The following ERCC6L variants were observed in gnomAD, a reference collection of about 807,000 sequenced individuals.
The protein encoded by ERCC6L is DNA excision repair protein ERCC-6-like.
In ERCC6L, 7 loss-of-function variants were observed where a neutral mutation model predicts 20.1. The observed-to-expected ratio is 0.35, with a 90% CI of 0.20 to 0.65. The LOEUF (loss-of-function observed/expected upper bound fraction) is 0.65, where lower values mean the gene tolerates loss of function less well. ERCC6L is among the 30% of genes least tolerant of loss of function. The pLI, the probability that ERCC6L is intolerant of heterozygous loss-of-function variation, is 0.69. For missense variants in ERCC6L, 592 were observed against 892.4 expected (o/e 0.66, Z 4.29); for synonymous variants, 278 against 331.3 (o/e 0.84, Z 1.75).
chrX:72,209,614 T>A (rs2042840836), intron 1 of ERCC6L, among the ~76,000 whole-genome samples: 1 of 111,309 alleles, frequency 9.0e-6, no homozygotes, highest in African/African-American at 3.3e-5. Context: ...CCACCTTCTT[T>A]CCATCTCTAC....
At chrX:72,223,930 G>C (rs2042940175) in intron 1 of ERCC6L, among the ~76,000 whole-genome samples, 1 of 110,987 alleles carries the variant, frequency 9.0e-6, no homozygotes, top group Admixed American at 9.6e-5. Context: ...TGTGGTCTTT[G>C]GGGACACTGG....
At chrX:72,228,294 T>C (rs1450225960) in intron 1 of ERCC6L, among the ~76,000 whole-genome samples, 3 of 112,174 alleles carry the variant, frequency 2.7e-5, no homozygotes, top group Admixed American at 1.9e-4. Flanking sequence ...TATGTTCAAG[T>C]GCTATTTCTT....
chrX:72,220,141 T>C (rs112289552), intron 1 of ERCC6L, among the ~76,000 whole-genome samples: 2,998 of 110,493 alleles, frequency 0.027, 97 homozygotes, highest in African/African-American at 0.095. Flanking sequence ...TTTTGTCCTT[T>C]AGTTTTTAGG....
In ERCC6L at chrX:72,220,569, A is replaced by C. The variant is rs777099978; in HGVS notation, c.69-11871T>G. On this transcript the variant is annotated intron_variant, in intron 1 of 1. Coordinates refer to ENST00000334463, the MANE Select transcript of ERCC6L (RefSeq NM_017669.4). ...CCCTGACCAGAGACATGCTAGCCCC[A>C]AGATAACCCCCCTCTGGCCAGGAGG... Among the ~76,000 whole-genome samples the C allele has an allele frequency of 1.1e-4, 12 of 111,211 alleles. No individual in the cohort carries two copies. In the East Asian group the frequency reaches 2.6e-3, roughly 24 times the overall value.
chrX:72,215,795 A>C (rs1417346480), intron 1 of ERCC6L, among the ~76,000 whole-genome samples: 1 of 110,983 alleles, frequency 9.0e-6, no homozygotes, highest in Non-Finnish European at 1.9e-5. Context: ...TGCTGTGCTT[A>C]AAACCACTGA....
chrX:72,220,507 C>T (rs1261413243), intron 1 of ERCC6L, among the ~76,000 whole-genome samples: 1 of 111,462 alleles, frequency 9.0e-6, no homozygotes, highest in Non-Finnish European at 1.9e-5. Flanking sequence ...CCATAAACCA[C>T]AATTAACATC....
rs1194077779 is a variant in ERCC6L, at chrX:72,207,935, A to C, written c.832T>G (p.Ser278Ala). The C allele has an allele frequency of 3.3e-6, 4 of 1,209,795 alleles. No homozygotes were observed. In the South Asian group the frequency reaches 5.3e-5, roughly 16 times the overall value. ...WSLFDFACQG[S>A]LLGTLKTFKM... ...AAAGTTTTTAATGTTCCCAGCAGGGACCCTTGACAAGCAAAATCAAATAGG... is the reference window on the plus strand; with the variant it reads ...AAAGTTTTTAATGTTCCCAGCAGGGCCCCTTGACAAGCAAAATCAAATAGG... Residue 278 changes from serine to alanine, a missense_variant, in exon 2 of 2, where the codon TCC becomes GCC. This residue lies in a region of ERCC6L where 196 missense variants were observed against 440.1 expected (regional missense o/e 0.45). Transcript: ENST00000334463.
chrX:72,208,033 C>T lies in ERCC6L; in HGVS notation c.734G>A (p.Arg245His), dbSNP rs151269287. ...GAGGCGATTACTTGCAGGAATAGCA[C>T]GAGCACATATTGCTGACTTAGTAGA... ...TSSTKSAICA[R>H]AIPASNRLLL... The change falls in exon 2 of 2, where the codon CGT becomes CAT. Residue 245 changes from arginine (R) to histidine (H), a missense_variant. Arg to His is a conservative substitution (Grantham distance 29, BLOSUM62 0). Transcript: ENST00000334463. The T allele has an allele frequency of 1.5e-4, 179 of 1,209,755 alleles. No homozygotes were observed. The highest frequency in any genetic ancestry group is 2.4e-4 in the East Asian group (8 of 33,782).
intron 1 of ERCC6L, among the ~76,000 whole-genome samples, chrX:72,220,811 G>T (rs768409410): frequency 2.4e-4 from 27 of 111,956 alleles, no homozygotes; most frequent in African/African-American, 8.4e-4. Flanking sequence ...ACCCCTCTCA[G>T]GTTTTATCTA....
rs1316695947 is a variant in ERCC6L at position 72,207,995 on chromosome X, T to A, written c.772A>T (p.Thr258Ser). ...PASNRLLLTG[T>S]PIQNNLQELW... Reference sequence around the variant, plus strand: ...TCTTGTAAATTATTCTGGATTGGGGTTCCTGTGAGGAGGAGGCGATTACTT... The same window carrying A: ...TCTTGTAAATTATTCTGGATTGGGGATCCTGTGAGGAGGAGGCGATTACTT... The change falls in exon 2 of 2, where the codon ACC becomes TCC. Residue 258 changes from threonine to serine, a missense_variant. Physicochemically the swap from Thr to Ser is moderately conservative, Grantham distance 58. Around this residue, in one of 3 missense-constraint regions of ERCC6L, gnomAD observed 196 missense variants for 440.1 expected, o/e 0.45. Transcript: ENST00000334463. 7 of 1,211,205 alleles carry A rather than the reference T, an allele frequency of 5.8e-6. No homozygotes were observed. The highest frequency in any genetic ancestry group is 7.8e-6 in the Non-Finnish European group (7 of 895,167).
intron 1 of ERCC6L, among the ~76,000 whole-genome samples, chrX:72,235,960 C>T (rs183084168): frequency 6.2e-5 from 7 of 112,091 alleles, no homozygotes; most frequent in Admixed American, 4.7e-4. Flanking sequence ...GAAGCCTCCA[C>T]AATTATTGAC....
intron 1 of ERCC6L, among the ~76,000 whole-genome samples, chrX:72,230,606 G>C (rs1416596694): frequency 8.9e-6 from 1 of 112,236 alleles, no homozygotes; most frequent in African/African-American, 3.2e-5. Flanking sequence ...ACTCTTACAA[G>C]TGTTGGCAAG....
At position 72,238,974 on chromosome X, in the gene ERCC6L, A is replaced by G; in HGVS notation, c.-63T>C. 1 of 1,040,691 alleles carries G rather than the reference A, an allele frequency of 9.6e-7. No individual in the cohort carries two copies. The highest frequency in any genetic ancestry group is 1.3e-6 in the Non-Finnish European group (1 of 759,251). The allele number at this position is 1,040,691 out of a possible 1,213,427, so 85.8% of individuals were successfully genotyped here. ...TTGGAGCTTGGAGCTTGGAGCTTGG[A>G]GCTTGGAGCTTAGAGTTTGGAGCTT... On this transcript the variant is annotated 5_prime_UTR_variant, in exon 1 of 2. Coordinates refer to ENST00000334463, the MANE Select transcript of ERCC6L (RefSeq NM_017669.4).
At chrX:72,211,463 G>A (rs1339121504) in intron 1 of ERCC6L, among the ~76,000 whole-genome samples, 1 of 111,953 alleles carries the variant, frequency 8.9e-6, no homozygotes, top group Non-Finnish European at 1.9e-5. Context: ...GAAATTATAT[G>A]ACTAGAGCAT....
At chrX:72,230,744 G>A (rs2042978814) in intron 1 of ERCC6L, among the ~76,000 whole-genome samples, 2 of 111,607 alleles carry the variant, frequency 1.8e-5, no homozygotes, top group South Asian at 3.7e-4. Context: ...TGGGCAGATC[G>A]CTTGAGCTCA....
chrX:72,226,805 C>T (rs2042956769), intron 1 of ERCC6L, among the ~76,000 whole-genome samples: 1 of 111,530 alleles, frequency 9.0e-6, no homozygotes. Flanking sequence ...CAAGTCAAAC[C>T]CCCATACTGC....
At chrX:72,236,277 G>T (rs1190667682) in intron 1 of ERCC6L, among the ~76,000 whole-genome samples, 3 of 111,670 alleles carry the variant, frequency 2.7e-5, no homozygotes, top group African/African-American at 9.8e-5. Flanking sequence ...AACACAGTGA[G>T]ACTTCATCTC....
chrX:72,205,746 G>C lies in ERCC6L; in HGVS notation c.3021C>G (p.Asp1007Glu), dbSNP rs771884439. 1 of 1,211,008 alleles carries C rather than the reference G, an allele frequency of 8.3e-7. No homozygotes were observed. Among genetic ancestry groups the C allele is most frequent in the South Asian group, 1.8e-5 (1 of 56,952 alleles). The stretch of plus-strand genomic sequence containing the variant: ...TAACTACTACTTCTTCTGGTTCATC[G>C]TCTTTCTCAGAAAACTCCCAACTGA... ...TCLSWEFSEK[D>E]DEPEEVVVKA... Residue 1007 changes from aspartate (D) to glutamate (E), a missense_variant, in exon 2 of 2, where the codon GAC (aspartate) becomes GAG (glutamate). This residue lies in a region of ERCC6L where 352 missense variants were observed against 402.6 expected (regional missense o/e 0.87). Coordinates refer to ENST00000334463, the MANE Select transcript of ERCC6L (RefSeq NM_017669.4).
chrX:72,225,430 ATT>A (rs979249916), intron 1 of ERCC6L, among the ~76,000 whole-genome samples: 2 of 111,565 alleles, frequency 1.8e-5, no homozygotes, highest in Non-Finnish European at 3.8e-5. Flanking sequence ...AGGCTTTTAC[ATT>A]TTTTGTCTGA....
Sources: allele counts gnomAD v4.1 joint callset (sites outside exome capture counted in the v4.1 genomes callset), GRCh38; gene constraint gnomAD v4.1.1; regional missense constraint gnomAD v4.1.1; transcripts MANE v1.5; gene names NCBI Gene and HGNC (gene_info 2026-07-23, HGNC 2026-07-21).